The following STK33 variants were observed in gnomAD, a reference collection of about 807,000 sequenced individuals.
STK33 encodes the protein serine/threonine-protein kinase 33.
A neutral mutation model predicts 58.0 loss-of-function variants in STK33; 52 were observed. The observed-to-expected ratio is 0.90, with a 90% confidence interval of 0.72 to 1.13. The LOEUF (loss-of-function observed/expected upper bound fraction) is 1.13, where lower values mean the gene tolerates loss of function less well. Among genes scored for constraint, STK33 ranks in the 50% most tolerant of loss-of-function variants. STK33 has a pLI of 0.00. For missense variants in STK33, 630 were observed against 604.2 expected, an observed-to-expected ratio of 1.04 and a Z score of -0.45; for synonymous variants, 215 against 200.1, an observed-to-expected ratio of 1.07 and a Z score of -0.63.
At chr11:8,517,677 G>A (rs190048609) in intron 1 of STK33, among the ~76,000 whole-genome samples, 2 of 152,310 alleles carry the variant, frequency 1.3e-5, no homozygotes, top group East Asian at 3.9e-4. Context: ...CACAGCATGA[G>A]AACTACGTGA....
At chr11:8,529,806 A>C (rs1187638042) in intron 1 of STK33, among the ~76,000 whole-genome samples, 1 of 152,330 alleles carries the variant, frequency 6.6e-6, no homozygotes, top group East Asian at 1.9e-4. Flanking sequence ...AAAAGCCCCG[A>C]GGAAGAACAC....
At chr11:8,390,233 C>T (rs751968961), downstream of STK33, among the ~76,000 whole-genome samples, 8 of 152,228 alleles carry the variant, frequency 5.3e-5, no homozygotes, top group South Asian at 2.1e-4. Context: ...AGTTGGAATG[C>T]GGATCGCTAC....
At chr11:8,496,103 AT>A (rs749118040) in intron 1 of STK33, among the ~76,000 whole-genome samples, 8 of 152,006 alleles carry the variant, frequency 5.3e-5, no homozygotes, top group African/African-American at 7.2e-5. Flanking sequence ...ATAATAAAAA[AT>A]TTTTTTTGAA....
chr11:8,499,567 C>T (rs1292496339), intron 1 of STK33, among the ~76,000 whole-genome samples: 5 of 152,186 alleles, frequency 3.3e-5, no homozygotes, highest in African/African-American at 1.2e-4. Flanking sequence ...AATCCCATTA[C>T]TGGGTATATA....
chr11:8,513,630 A>C (rs1039181938), intron 1 of STK33, among the ~76,000 whole-genome samples: 7 of 152,154 alleles, frequency 4.6e-5, no homozygotes, highest in Admixed American at 4.6e-4. Context: ...TTAAATCAAA[A>C]GTACTCAAGA....
chr11:8,579,406 C>CT (rs1958407917), intron 1 of STK33, among the ~76,000 whole-genome samples: 1 of 151,884 alleles, frequency 6.6e-6, no homozygotes, highest in Non-Finnish European at 1.5e-5. Context: ...AGTTCAATTC[C>CT]TAGAATAAGA....
At chr11:8,568,941 C>G (rs1957622713) in intron 1 of STK33, among the ~76,000 whole-genome samples, 1 of 152,058 alleles carries the variant, frequency 6.6e-6, no homozygotes, top group Non-Finnish European at 1.5e-5. Flanking sequence ...AGGCAAAGAC[C>G]TAAGGAAAAG....
chr11:8,576,926 G>C (rs1251458593), intron 1 of STK33, among the ~76,000 whole-genome samples: 1 of 152,128 alleles, frequency 6.6e-6, no homozygotes, highest in African/African-American at 2.4e-5. Context: ...AGACATGAAA[G>C]AATTGCTCTA....
intron 1 of STK33, chr11:8,580,956 T>C (rs956612062): frequency 2.0e-5 from 3 of 152,082 alleles, no homozygotes; most frequent in Non-Finnish European, 2.9e-5. Context: ...TGGAAGCAAG[T>C]TGGTCTGGTA....
chr11:8,500,463 A>T (rs1448501496), intron 1 of STK33, among the ~76,000 whole-genome samples: 1 of 152,158 alleles, frequency 6.6e-6, no homozygotes, highest in Admixed American at 6.5e-5. Flanking sequence ...AAATGAAGTA[A>T]ACAATTCAAT....
chr11:8,388,484 C>T (rs377322012), downstream of STK33, among the ~76,000 whole-genome samples: 6 of 152,346 alleles, frequency 3.9e-5, no homozygotes, highest in South Asian at 1.2e-3. Context: ...TCTCAGCCAG[C>T]TCACTCAGAA....
chr11:8,413,281 C>T (rs969088294), intron 15 of STK33, among the ~76,000 whole-genome samples: 1 of 152,226 alleles, frequency 6.6e-6, no homozygotes, highest in East Asian at 1.9e-4. Context: ...AGTTTGCAGA[C>T]ACCTGCCCTA....
At chr11:8,531,369 G>C (rs1324504111) in intron 1 of STK33, among the ~76,000 whole-genome samples, 2 of 152,146 alleles carry the variant, frequency 1.3e-5, no homozygotes, top group African/African-American at 4.8e-5. Flanking sequence ...AAAACTTAGT[G>C]GTTTAAAACA....
At chr11:8,570,482 T>C (rs1236650825) in intron 1 of STK33, among the ~76,000 whole-genome samples, 3 of 152,234 alleles carry the variant, frequency 2.0e-5, no homozygotes, top group Non-Finnish European at 4.4e-5. Context: ...CAGCTTTGTT[T>C]GTAGTAGTCA....
chr11:8,410,032 T>C (rs1939943721), intron 15 of STK33, among the ~76,000 whole-genome samples: 1 of 152,148 alleles, frequency 6.6e-6, no homozygotes, highest in South Asian at 2.1e-4. Context: ...ATATGCCATA[T>C]TGCAATGCTT....
At chr11:8,449,886 A>C (rs1946053480) in intron 11 of STK33, among the ~76,000 whole-genome samples, 1 of 152,178 alleles carries the variant, frequency 6.6e-6, no homozygotes. Flanking sequence ...GGTGATCATT[A>C]AAAAAGTCAG....
chr11:8,585,277 T>A (rs1367236765), intron 1 of STK33, among the ~76,000 whole-genome samples: 1 of 136,826 alleles, frequency 7.3e-6, no homozygotes, highest in Non-Finnish European at 1.5e-5. Flanking sequence ...CAGGCTGGAG[T>A]GCAGTGGCGC....
intron 5 of STK33, 170 bp downstream of exon 5, chr11:8,474,511 A>T: frequency 4.0e-6 from 2 of 496,242 alleles, no homozygotes; most frequent in South Asian, 8.6e-5. Flanking sequence ...AACATCATAT[A>T]ACAAGTTACT....
chr11:8,374,008 A>ATGAAG, the STK33 span, among the ~76,000 whole-genome samples: 1 of 152,194 alleles, frequency 6.6e-6, no homozygotes, highest in Admixed American at 6.5e-5. Flanking sequence ...CCTTACTGAT[A>ATGAAG]CCCAATTATG....
Sources: gnomAD v4.1 joint callset for allele counts (sites outside exome capture counted in the v4.1 genomes callset) on GRCh38, gnomAD v4.1.1 for gene constraint, MANE v1.5 for transcripts, NCBI Gene and HGNC (gene_info 2026-07-23, HGNC 2026-07-21) for gene names.